ZSCAN5A: variants seen among roughly 807,000 people sequenced by gnomAD.
ZSCAN5A encodes the protein zinc finger and SCAN domain-containing protein 5A.
ZSCAN5A carries 12 observed loss-of-function variants against 23.7 expected under a neutral mutation model. The observed-to-expected ratio is 0.51, with a 90% CI of 0.32 to 0.82. The LOEUF is 0.82. Ranked by LOEUF, ZSCAN5A falls within the 40% of genes least tolerant of loss-of-function variation. The pLI is 0.03. For synonymous variants in ZSCAN5A, 257 were observed against 239.9 expected (o/e 1.07, Z -0.66); for missense variants, 597 against 617.9 (o/e 0.97, Z 0.36).
At chr19:56,321,834 T>C (rs1027483415) in intron 2 of ZSCAN5A, 36 of 907,466 alleles carry the variant, frequency 4.0e-5, no homozygotes, top group East Asian at 3.6e-4. Flanking sequence ...GGAAGCATGA[T>C]AGGCAATGGA....
intron 2 of ZSCAN5A, among the ~76,000 whole-genome samples, chr19:56,267,233 G>T (rs1287253169): frequency 1.3e-5 from 2 of 152,114 alleles, no homozygotes; most frequent in South Asian, 2.1e-4. Context: ...ATATGTGTTT[G>T]TCAATATTGT....
At chr19:56,305,875 G>C (rs140775620) in intron 2 of ZSCAN5A, among the ~76,000 whole-genome samples, 2,397 of 152,136 alleles carry the variant, frequency 0.016, 25 homozygotes, top group Non-Finnish European at 0.024. Context: ...CAGAAAACAA[G>C]TGAAAGAGCC....
chr19:56,367,953 C>T (rs1024064572), intron 1 of ZSCAN5A: 8 of 152,352 alleles, frequency 5.3e-5, no homozygotes, highest in African/African-American at 1.9e-4. Context: ...CACATGTCCA[C>T]GCCAATGTAT....
rs201500434 is a variant in ZSCAN5A at position 56,238,520 on chromosome 19, TACTC to T, written c.-127-13351_-127-13348del. Among the ~76,000 whole-genome samples, 1,474 of 152,242 alleles carry T rather than the reference TACTC, an allele frequency of 9.7e-3. 9 individuals carry two copies. The highest frequency in any genetic ancestry group is 0.029 in the East Asian group (151 of 5,176). ...GGTGGTGCTTGCCTGTAATTCCAGA[TACTC>T]ACTCAGGAGGCTGGAGCAGGAGGCT... On this transcript the variant is annotated intron_variant, in intron 2 of 5. Coordinates refer to ENST00000683990, the MANE Select transcript of ZSCAN5A (RefSeq NM_001322064.3).
At chr19:56,299,842 G>C (rs2040114499) in intron 2 of ZSCAN5A, 1 of 152,206 alleles carries the variant, frequency 6.6e-6, no homozygotes, top group Non-Finnish European at 1.5e-5. Flanking sequence ...GCAGAGTCCA[G>C]CGACACAGAG....
intron 2 of ZSCAN5A, chr19:56,340,977 T>C (rs2041588150): frequency 6.6e-6 from 1 of 152,220 alleles, no homozygotes; most frequent in African/African-American, 2.4e-5. Context: ...TGGGATTGTC[T>C]TGTGAAAGGG....
chr19:56,222,828 C>A, intron 4 of ZSCAN5A, 87 bp from the exon 5 acceptor site: 2 of 1,580,708 alleles, frequency 1.3e-6, no homozygotes, highest in Middle Eastern at 1.7e-4. Context: ...TTGGATGCAA[C>A]AACTCTTCTA....
At chr19:56,289,036 T>C (rs1421932982) in intron 2 of ZSCAN5A, among the ~76,000 whole-genome samples, 2 of 152,178 alleles carry the variant, frequency 1.3e-5, no homozygotes, top group Admixed American at 1.3e-4. Flanking sequence ...GCATCATCAG[T>C]ACAGATTCTG....
At chr19:56,232,057 G>A (rs1387782572) in intron 2 of ZSCAN5A, among the ~76,000 whole-genome samples, 1 of 145,166 alleles carries the variant, frequency 6.9e-6, no homozygotes, top group Non-Finnish European at 1.5e-5. Flanking sequence ...GTATGATCAC[G>A]GCTCACTGCA....
chr19:56,269,004 ACC>A (rs2037658884), intron 2 of ZSCAN5A, among the ~76,000 whole-genome samples: 1 of 152,196 alleles, frequency 6.6e-6, no homozygotes, highest in Non-Finnish European at 1.5e-5. Flanking sequence ...ATATGGCTAT[ACC>A]ACACTTTACC....
intron 1 of ZSCAN5A, among the ~76,000 whole-genome samples, chr19:56,367,589 T>G (rs2041778898): frequency 6.6e-6 from 1 of 152,238 alleles, no homozygotes; most frequent in Non-Finnish European, 1.5e-5. Flanking sequence ...AAGCCCATGA[T>G]CTAAATAATG....
rs746211159 is a variant in ZSCAN5A at position 56,222,709 on chromosome 19, G to A, written c.621C>T (p.Asp207=). The part of the protein sequence containing the change: ...GEDFLLHKSI[D]VTGDPKSLRP... Reference sequence around the variant, plus strand: ...TCAGAGACTTTGGGTCACCTGTTACGTCAATACTCTTGTGTAGCAGAAAGT... The same window carrying A: ...TCAGAGACTTTGGGTCACCTGTTACATCAATACTCTTGTGTAGCAGAAAGT... The change falls in exon 5 of 6, where the codon GAC becomes GAT. Residue 207 remains aspartate (D), a synonymous_variant. Transcript: ENST00000683990. 56 of 1,614,096 alleles carry A rather than the reference G, an allele frequency of 3.5e-5. No homozygotes were observed. The Admixed American group carries it at 3.5e-4, about 10-fold the overall frequency.
rs372553697 is a variant in ZSCAN5A, at chr19:56,255,690, GC to G, written c.-127-30518del. 2.0e-3 allele frequency among the ~76,000 whole-genome samples: 308 copies of G among 151,710 alleles called. 4 individuals carry two copies. Among genetic ancestry groups the G allele is most frequent in the Middle Eastern group, 6.8e-3 (2 of 294 alleles). ...TGAATAAACTGATCATAATTACACA[GC>G]CTACCTGGACGGATGAAAAACATGG... is the stretch of plus-strand genomic sequence containing the variant. On this transcript the variant is annotated intron_variant, in intron 2 of 5. Coordinates refer to ENST00000683990, the MANE Select transcript of ZSCAN5A (RefSeq NM_001322064.3).
Position 56,221,590 on chromosome 19 carries a change from T to C in ZSCAN5A, c.1476A>G (p.Glu492=). ...GATTATGCAATCACTGAGAAGTAGC[T>C]TCTGGATGTGTTTTCTGGTGGCGTC... is the stretch of plus-strand genomic sequence containing the variant. ...LLRRHQKTHP[E]ATSQ Residue 492 remains glutamate, a synonymous_variant, in exon 6 of 6, where the codon GAA becomes GAG. Transcript: ENST00000683990. 1 of 1,602,688 alleles carries C rather than the reference T, an allele frequency of 6.2e-7. No individual in the cohort carries two copies. Among genetic ancestry groups the C allele is most frequent in the Non-Finnish European group, 8.5e-7 (1 of 1,174,614 alleles).
At chr19:56,357,615 T>C (rs2041707358) in intron 2 of ZSCAN5A, among the ~76,000 whole-genome samples, 1 of 146,956 alleles carries the variant, frequency 6.8e-6, no homozygotes, top group African/African-American at 2.6e-5. Flanking sequence ...TGAAGGACAT[T>C]TGATAAAAAA....
intron 2 of ZSCAN5A, among the ~76,000 whole-genome samples, chr19:56,241,563 A>C (rs1470774319): frequency 6.6e-6 from 1 of 152,242 alleles, no homozygotes; most frequent in Non-Finnish European, 1.5e-5. Flanking sequence ...CACATGCCTT[A>C]CTTTATGTAC....
At chr19:56,258,501 C>T (rs1209840347) in intron 2 of ZSCAN5A, among the ~76,000 whole-genome samples, 3 of 137,930 alleles carry the variant, frequency 2.2e-5, no homozygotes, top group East Asian at 2.1e-4. Context: ...GTGGGGGTGA[C>T]GGACACACCT....
intron 2 of ZSCAN5A, among the ~76,000 whole-genome samples, chr19:56,299,036 C>G (rs1463098343): frequency 6.6e-6 from 1 of 152,096 alleles, no homozygotes; most frequent in Non-Finnish European, 1.5e-5. Flanking sequence ...TAGGTAAAAA[C>G]AAATATATGG....
chr19:56,241,088 T>C (rs895108089), intron 2 of ZSCAN5A, among the ~76,000 whole-genome samples: 1 of 152,224 alleles, frequency 6.6e-6, no homozygotes, highest in South Asian at 2.1e-4. Context: ...AGCATCAACC[T>C]ACTAGGCCAA....
Sources: gnomAD v4.1 joint callset for allele counts (sites outside exome capture counted in the v4.1 genomes callset) on GRCh38, gnomAD v4.1.1 for gene constraint, MANE v1.5 for transcripts, NCBI Gene and HGNC (gene_info 2026-07-23, HGNC 2026-07-21) for gene names.